MYH15: variants seen among roughly 807,000 people sequenced by gnomAD.
The protein encoded by MYH15 is myosin-15.
Under a neutral mutation model 240.5 loss-of-function variants are expected in MYH15, and 227 were observed. The observed-to-expected ratio is 0.94, with a 90% CI of 0.85 to 1.05. The LOEUF is 1.05. Ranked by LOEUF, MYH15 falls within the 50% of genes least tolerant of loss-of-function variation. The pLI is 0.00. For synonymous variants in MYH15, 785 were observed against 796.7 expected, an observed-to-expected ratio of 0.99 and a Z score of 0.25; for missense variants, 2,217 against 2,247.5, an observed-to-expected ratio of 0.99 and a Z score of 0.27.
chr3:108,444,494 G>T (rs2082910712), intron 22 of MYH15, 146 bp downstream of exon 22: 1 of 944,442 alleles, frequency 1.1e-6, no homozygotes, highest in Non-Finnish European at 1.6e-6. Context: ...GTATCTCTTT[G>T]TTTTCATTGT....
At chr3:108,532,219 C>T (rs563820941), upstream of MYH15, among the ~76,000 whole-genome samples, 183 of 152,024 alleles carry the variant, frequency 1.2e-3, 1 homozygote, top group Admixed American at 2.8e-3. Flanking sequence ...ACATTATTCT[C>T]GGTGTGTCTG....
intron 12 of MYH15, among the ~76,000 whole-genome samples, chr3:108,475,998 T>C (rs2083217310): frequency 1.3e-5 from 2 of 152,196 alleles, no homozygotes; most frequent in Non-Finnish European, 2.9e-5. Flanking sequence ...AACTAACGTG[T>C]CACCATGTGT....
At chr3:108,537,712 G>A in the MYH15 span, among the ~76,000 whole-genome samples, 1 of 152,146 alleles carries the variant, frequency 6.6e-6, no homozygotes, top group South Asian at 2.1e-4. Context: ...AGTAGCACAC[G>A]TGGACTAAGA....
intron 1 of MYH15, among the ~76,000 whole-genome samples, chr3:108,517,188 T>G (rs1420556336): frequency 6.6e-6 from 1 of 152,188 alleles, no homozygotes; most frequent in Non-Finnish European, 1.5e-5. Flanking sequence ...GCTCCCTCTT[T>G]TCACTAGTTT....
At chr3:108,531,148 A>C (rs989681230), upstream of MYH15, among the ~76,000 whole-genome samples, 25 of 152,362 alleles carry the variant, frequency 1.6e-4, no homozygotes, top group Admixed American at 1.4e-3. Context: ...ATGAGACCAA[A>C]GATTTCAGGC....
At chr3:108,394,428 A>G (rs1330324255) in intron 35 of MYH15, among the ~76,000 whole-genome samples, 2 of 152,178 alleles carry the variant, frequency 1.3e-5, no homozygotes, top group African/African-American at 4.8e-5. Flanking sequence ...ACAAGCCCCA[A>G]ACGTGTTTGG....
At chr3:108,453,675 T>C (rs534082546) in intron 21 of MYH15, among the ~76,000 whole-genome samples, 1 of 152,304 alleles carries the variant, frequency 6.6e-6, no homozygotes, top group East Asian at 1.9e-4. Context: ...GGCTGTGGGA[T>C]ATATGCAAAC....
chr3:108,417,661 C>T (rs527378258), intron 28 of MYH15, among the ~76,000 whole-genome samples: 17 of 152,048 alleles, frequency 1.1e-4, no homozygotes, highest in East Asian at 3.9e-4. Context: ...TAATTATAGT[C>T]GGGCCTTCCA....
At chr3:108,530,567 A>T (rs527454474), upstream of MYH15, among the ~76,000 whole-genome samples, 1 of 152,320 alleles carries the variant, frequency 6.6e-6, no homozygotes, top group South Asian at 2.1e-4. Context: ...CCTAATGTGA[A>T]TTATGGACTT....
Position 108,495,787 on chromosome 3 carries a change from G to A in MYH15, c.704C>T (p.Ser235Phe). 6 of 1,609,540 alleles carry A rather than the reference G, an allele frequency of 3.7e-6. No homozygotes were observed. Among genetic ancestry groups the A allele is most frequent in the Non-Finnish European group, 5.1e-6 (6 of 1,177,186 alleles). Residue 235 changes from serine (S) to phenylalanine (F), a missense_variant, in exon 7 of 41, where the codon TCT becomes TTT. Ser to Phe is a radical substitution (Grantham distance 155, BLOSUM62 -2). Transcript: ENST00000693548. The stretch of plus-strand genomic sequence containing the variant: ...CTAAATCATGTTACTTACAAAACGA[G>A]AGGAGTTGTCATTTCTCAGGGTTTT... The part of the protein sequence containing the change: ...NAKTLRNDNS[S>F]RFGKFIRMHF...
rs1553761684 is a variant in MYH15 at position 108,383,728 on chromosome 3, T to C, written c.5633A>G (p.Glu1878Gly). ...GGAAAGGTATTGATTGGCTTGTGTT[T>C]CCTATAAAAATAAAAAAAAAAAAAA... Reference protein sequence around the residue: ...QNYKQQVEVAETQANQYLSKY... With the variant: ...QNYKQQVEVAGTQANQYLSKY... The change falls in exon 40 of 41, where the codon GAA becomes GGA. Residue 1878 changes from glutamate (E) to glycine (G), a missense_variant and splice_region_variant. By Grantham distance (98) the Glu-to-Gly change is moderately conservative (BLOSUM62 -2). Transcript: ENST00000693548. 6.7e-7 allele frequency: 1 copy of C among 1,488,080 alleles called. No homozygotes were observed. Among genetic ancestry groups the C allele is most frequent in the Admixed American group, 2.4e-5 (1 of 41,608 alleles). The allele number at this position is 1,488,080 out of a possible 1,614,324, so 92.2% of individuals were successfully genotyped here. A position where few individuals can be genotyped will look rare whatever the true frequency, so the allele number is the denominator to read the frequency against.
At position 108,428,484 on chromosome 3, in the gene MYH15, G is replaced by C; in HGVS notation, c.3702+8C>G. ...AGAAGACCACGAGGATGGCATGGGAGTATCTACCTTAGCTCTTGTCATCTG... is the reference window on the plus strand; with the variant it reads ...AGAAGACCACGAGGATGGCATGGGACTATCTACCTTAGCTCTTGTCATCTG... On this transcript the variant is annotated splice_region_variant and intron_variant, in intron 27 of 40. Transcript: ENST00000693548. 2 of 1,600,244 alleles carry C rather than the reference G, an allele frequency of 1.2e-6. No individual in the cohort carries two copies. The highest frequency in any genetic ancestry group is 1.7e-6 in the Non-Finnish European group (2 of 1,170,850).
At chr3:108,464,266 C>A (rs191720569) in intron 15 of MYH15, among the ~76,000 whole-genome samples, 2 of 152,032 alleles carry the variant, frequency 1.3e-5, no homozygotes, top group African/African-American at 2.4e-5. Flanking sequence ...TATTTCTTTA[C>A]GGGAGAATAA....
At chr3:108,495,692 A>C (rs1227133207) in intron 7 of MYH15, 88 bp downstream of exon 7, 10 of 957,136 alleles carry the variant, frequency 1.0e-5, no homozygotes, top group Non-Finnish European at 1.5e-5. Flanking sequence ...GTGTTCTATA[A>C]TTTTTTCATA....
At chr3:108,387,045 G>A (rs2082389195) in intron 38 of MYH15, among the ~76,000 whole-genome samples, 1 of 152,278 alleles carries the variant, frequency 6.6e-6, no homozygotes, top group South Asian at 2.1e-4. Flanking sequence ...GGATATAAAG[G>A]AGAAGATAAA....
intron 8 of MYH15, among the ~76,000 whole-genome samples, 177 bp from the exon 9 acceptor site, chr3:108,492,772 C>T (rs1170880331): frequency 6.6e-6 from 1 of 152,062 alleles, no homozygotes; most frequent in Non-Finnish European, 1.5e-5. Context: ...CATAGTGAGA[C>T]CCCATTTCCA....
intron 11 of MYH15, among the ~76,000 whole-genome samples, chr3:108,481,505 G>T (rs1280727157): frequency 1.3e-5 from 2 of 152,186 alleles, no homozygotes; most frequent in Admixed American, 6.6e-5. Flanking sequence ...GGGGATAGTG[G>T]TGGAGGTAGC....
intron 21 of MYH15, among the ~76,000 whole-genome samples, chr3:108,445,141 A>G (rs2082916804): frequency 6.6e-6 from 1 of 152,244 alleles, no homozygotes. Context: ...TCTTTGAATG[A>G]GAGCTGAACC....
chr3:108,414,217 C>T lies in MYH15; in HGVS notation c.4145+15G>A, dbSNP rs1264083740. 1.2e-6 allele frequency: 2 copies of T among 1,611,858 alleles called. No individual in the cohort carries two copies. Among genetic ancestry groups the T allele is most frequent in the Non-Finnish European group, 1.7e-6 (2 of 1,178,490 alleles). On this transcript the variant is annotated intron_variant, in intron 30 of 40. Coordinates refer to ENST00000693548, the MANE Select transcript of MYH15 (RefSeq NM_014981.3). ...GTGAGTAACTCCAGGTTAAGGATAGCCTTGCCCTACTCACTTGGCATCCTC... is the reference window on the plus strand; with the variant it reads ...GTGAGTAACTCCAGGTTAAGGATAGTCTTGCCCTACTCACTTGGCATCCTC...
Sources: gnomAD v4.1 joint callset for allele counts (sites outside exome capture counted in the v4.1 genomes callset) on GRCh38, gnomAD v4.1.1 for gene constraint, MANE v1.5 for transcripts, NCBI Gene and HGNC (gene_info 2026-07-23, HGNC 2026-07-21) for gene names.